Variants in GPATCH2 observed in about 807,000 individuals in gnomAD.
The protein encoded by GPATCH2 is G patch domain-containing protein 2.
Under a neutral mutation model 58.0 loss-of-function variants are expected in GPATCH2, and 51 were observed. That is an observed-to-expected ratio of 0.88 (90% CI 0.70 to 1.11). The LOEUF (loss-of-function observed/expected upper bound fraction) is 1.11. GPATCH2 is among the 50% of genes most tolerant of loss of function. The probability of loss-of-function intolerance (pLI) is 0.00; values close to 1 mark genes in which losing one functional copy is unlikely to be tolerated. For synonymous variants in GPATCH2, 222 were observed against 218.5 expected, an observed-to-expected ratio of 1.02 and a Z score of -0.14; for missense variants, 625 against 652.2, an observed-to-expected ratio of 0.96 and a Z score of 0.45.
chr1:217,468,214 C>G (rs893104655), intron 8 of GPATCH2, among the ~76,000 whole-genome samples: 4 of 152,084 alleles, frequency 2.6e-5, no homozygotes, highest in African/African-American at 2.4e-5. Context: ...TATTTTGCAA[C>G]CCTTAGTGAA....
chr1:217,501,819 A>T (rs1259606308), intron 6 of GPATCH2, among the ~76,000 whole-genome samples: 1 of 152,064 alleles, frequency 6.6e-6, no homozygotes, highest in Non-Finnish European at 1.5e-5. Flanking sequence ...TATAACTATT[A>T]CATTTTGAAA....
chr1:217,529,923 T>C (rs2102619719), intron 5 of GPATCH2, among the ~76,000 whole-genome samples: 1 of 152,364 alleles, frequency 6.6e-6, no homozygotes, highest in East Asian at 1.9e-4. Flanking sequence ...AATCTTCCAA[T>C]GTATCCACAA....
intron 2 of GPATCH2, among the ~76,000 whole-genome samples, chr1:217,617,383 T>C (rs928388685): frequency 8.5e-5 from 13 of 152,186 alleles, no homozygotes; most frequent in African/African-American, 2.9e-4. Context: ...CCCTCACTAA[T>C]ACTTTCCACT....
intron 8 of GPATCH2, among the ~76,000 whole-genome samples, chr1:217,472,834 G>A (rs1660789589): frequency 6.6e-6 from 1 of 152,206 alleles, no homozygotes; most frequent in Non-Finnish European, 1.5e-5. Context: ...CACCTGTAGT[G>A]CTCAAGGATA....
intron 6 of GPATCH2, among the ~76,000 whole-genome samples, chr1:217,499,276 A>C (rs1190147515): frequency 6.6e-6 from 1 of 152,224 alleles, no homozygotes; most frequent in Non-Finnish European, 1.5e-5. Context: ...ACCTCTATGT[A>C]CTAAGCACGT....
At chr1:217,515,279 G>T (rs919280736) in intron 5 of GPATCH2, among the ~76,000 whole-genome samples, 4 of 151,964 alleles carry the variant, frequency 2.6e-5, no homozygotes, top group South Asian at 2.1e-4. Context: ...TGTATTTTTA[G>T]TAGAGACGGG....
chr1:217,531,721 A>G (rs1020533434), intron 5 of GPATCH2, among the ~76,000 whole-genome samples: 2 of 152,206 alleles, frequency 1.3e-5, no homozygotes, highest in Non-Finnish European at 2.9e-5. Context: ...AACAGAGGAA[A>G]AAAGAATACA....
In GPATCH2 at chr1:217,610,335, T is replaced by G. The variant is rs1223035497; in HGVS notation, c.1084A>C (p.Thr362Pro). 8 of 1,586,152 alleles carry G rather than the reference T, an allele frequency of 5.0e-6. No homozygotes were observed. The Admixed American group carries it at 1.3e-4, about 27-fold the overall frequency. The change falls in exon 5 of 10, where the codon ACT becomes CCT. Residue 362 changes from threonine (T) to proline (P), a missense_variant. Thr to Pro is a conservative substitution (Grantham distance 38). Coordinates refer to ENST00000366935, the MANE Select transcript of GPATCH2 (RefSeq NM_018040.5). The stretch of plus-strand genomic sequence containing the variant: ...AGTATGCCTACCATTGAAGTTGGAG[T>G]CCCTCCAGATTTTTTAATATTCTTT... ...SSKNIKKSGG[T>P]PTSMVPIPGP... is the part of the protein sequence containing the mutation.
chr1:217,533,230 A>G (rs1664290462), intron 5 of GPATCH2, among the ~76,000 whole-genome samples: 1 of 152,036 alleles, frequency 6.6e-6, no homozygotes, highest in Admixed American at 6.6e-5. Context: ...TTATAACAGC[A>G]ATTCTCAAAC....
chr1:217,558,731 T>G (rs1187113097), intron 5 of GPATCH2, among the ~76,000 whole-genome samples: 1 of 152,132 alleles, frequency 6.6e-6, no homozygotes, highest in Non-Finnish European at 1.5e-5. Context: ...GGAGGAGCAC[T>G]TGAGGCCAGG....
chr1:217,449,311 A>T lies in GPATCH2; in HGVS notation c.1304T>A (p.Leu435Ter). ...TCTCCGTTTGATATCTCCCGTGCAT[A>T]AGGATCCTAAATGCATGCTTGTTTG... is the stretch of plus-strand genomic sequence containing the variant. ...SRQTSMHLGS[L>*]CTGDIKRRRK... Residue 435 changes from leucine to a stop codon, truncating the protein, a stop_gained, in exon 9 of 10, where the codon TTA becomes TAA. Coordinates refer to ENST00000366935, the MANE Select transcript of GPATCH2 (RefSeq NM_018040.5). LOFTEE classifies it high-confidence loss of function. 1 of 1,599,986 alleles carries T rather than the reference A, an allele frequency of 6.3e-7. No individual in the cohort carries two copies. The highest frequency in any genetic ancestry group is 8.6e-7 in the Non-Finnish European group (1 of 1,167,268).
chr1:217,527,712 ATCTAT>A (rs1440033302), intron 5 of GPATCH2, among the ~76,000 whole-genome samples: 4 of 152,220 alleles, frequency 2.6e-5, no homozygotes, highest in African/African-American at 7.2e-5. Flanking sequence ...AGCCAATTAT[ATCTAT>A]TAAATTCTAC....
At chr1:217,445,791 G>A (rs757161196) in intron 9 of GPATCH2, among the ~76,000 whole-genome samples, 2 of 152,128 alleles carry the variant, frequency 1.3e-5, no homozygotes, top group Non-Finnish European at 2.9e-5. Context: ...TGACAACACT[G>A]CTGGTTAGTC....
At chr1:217,478,234 CT>C (rs1661053755) in intron 8 of GPATCH2, among the ~76,000 whole-genome samples, 1 of 152,132 alleles carries the variant, frequency 6.6e-6, no homozygotes, top group Admixed American at 6.6e-5. Flanking sequence ...TAATTCTTCA[CT>C]GCCCAGACAC....
chr1:217,621,697 T>C (rs1669196262), intron 1 of GPATCH2, among the ~76,000 whole-genome samples: 1 of 152,264 alleles, frequency 6.6e-6, no homozygotes, highest in Non-Finnish European at 1.5e-5. Context: ...TACAATCATG[T>C]ATAGTCTCCA....
At chr1:217,547,166 AC>A (rs1665097692) in intron 5 of GPATCH2, among the ~76,000 whole-genome samples, 1 of 152,072 alleles carries the variant, frequency 6.6e-6, no homozygotes, top group South Asian at 2.1e-4. Context: ...GTTCAAGACC[AC>A]CCTGGCCAAC....
Position 217,428,230 on chromosome 1 carries a change from T to A in GPATCH2, c.*2915A>T, listed in dbSNP as rs930830416. Reference sequence around the variant, plus strand: ...AATTAGGATAGAAAAGGGAGACCTATGCAGTCTCTAAAATTTTTAGTACAA... The same window carrying A: ...AATTAGGATAGAAAAGGGAGACCTAAGCAGTCTCTAAAATTTTTAGTACAA... On this transcript the variant is annotated 3_prime_UTR_variant, in exon 10 of 10. Coordinates refer to ENST00000366935, the MANE Select transcript of GPATCH2 (RefSeq NM_018040.5). The A allele has an allele frequency of 6.6e-6, 1 of 152,168 alleles. No homozygotes were observed. The highest frequency in any genetic ancestry group is 6.5e-5 in the Admixed American group (1 of 15,284). The allele number at this position is 152,168 out of a possible 1,614,324, so 9.4% of individuals were successfully genotyped here. A position where few individuals can be genotyped will look rare whatever the true frequency, so the allele number is the denominator to read the frequency against.
intron 8 of GPATCH2, among the ~76,000 whole-genome samples, chr1:217,481,479 A>G (rs1661210401): frequency 6.6e-6 from 1 of 152,198 alleles, no homozygotes; most frequent in Non-Finnish European, 1.5e-5. Flanking sequence ...AGGGTTGGGG[A>G]CCACTGTATT....
At chr1:217,572,516 T>C (rs1666617073) in intron 5 of GPATCH2, among the ~76,000 whole-genome samples, 1 of 152,190 alleles carries the variant, frequency 6.6e-6, no homozygotes, top group Admixed American at 6.5e-5. Flanking sequence ...CAACCATTAA[T>C]CATTATACCA....
Sources: allele counts gnomAD v4.1 joint callset (sites outside exome capture counted in the v4.1 genomes callset), GRCh38; gene constraint gnomAD v4.1.1; transcripts MANE v1.5; gene names NCBI Gene and HGNC (gene_info 2026-07-23, HGNC 2026-07-21).